Variants in MGAT5 observed in about 807,000 individuals in gnomAD.
MGAT5 encodes alpha-1,6-mannosylglycoprotein 6-beta-N-acetylglucosaminyltransferase A.
A neutral mutation model predicts 94.3 loss-of-function variants in MGAT5; 30 were observed. That is an observed-to-expected ratio of 0.32 (90% CI 0.24 to 0.43). The LOEUF (loss-of-function observed/expected upper bound fraction) is 0.43, where lower values mean the gene tolerates loss of function less well. MGAT5 is among the 20% of genes least tolerant of loss of function. The probability of loss-of-function intolerance (pLI) is 1.00; values close to 1 mark genes in which losing one functional copy is unlikely to be tolerated. For synonymous variants in MGAT5, 310 were observed against 322.9 expected (o/e 0.96, Z 0.43); for missense variants, 691 against 905.5 (o/e 0.76, Z 3.04).
chr2:134,401,074 A>C (rs1315744089), intron 10 of MGAT5, among the ~76,000 whole-genome samples: 1 of 148,530 alleles, frequency 6.7e-6, no homozygotes, highest in Non-Finnish European at 1.5e-5. Flanking sequence ...CCTTCTCCTT[A>C]TTCTTCTTCT....
At chr2:134,128,282 A>G (rs1374226550) in intron 1 of MGAT5, among the ~76,000 whole-genome samples, 1 of 152,070 alleles carries the variant, frequency 6.6e-6, no homozygotes, top group Admixed American at 6.5e-5. Flanking sequence ...AGAGAGAGAA[A>G]GAAGAAAGAG....
chr2:134,383,863 G>T (rs1308617411), intron 10 of MGAT5, among the ~76,000 whole-genome samples: 2 of 152,196 alleles, frequency 1.3e-5, no homozygotes, highest in South Asian at 2.1e-4. Context: ...GTATTTTTTA[G>T]TAGAGACGGG....
In MGAT5 at chr2:134,318,812, G is replaced by C. The variant is rs2105903868; in HGVS notation, c.573+73G>C. Reference sequence around the variant, plus strand: ...TGTTCTGTAGCTGAGTCTGAAATTTGAAAAGCTTGAAAACGTGTGGTATTT... The same window carrying C: ...TGTTCTGTAGCTGAGTCTGAAATTTCAAAAGCTTGAAAACGTGTGGTATTT... On this transcript the variant is annotated intron_variant, in intron 4 of 15. Coordinates refer to ENST00000281923, the MANE Select transcript of MGAT5 (RefSeq NM_002410.5). 5.8e-6 allele frequency: 6 copies of C among 1,038,102 alleles called. No individual in the cohort carries two copies. In the South Asian group the frequency reaches 8.1e-5, roughly 14 times the overall value. 64.3% of individuals were successfully genotyped at this position (1,038,102 alleles called of 1,614,324 possible).
intron 2 of MGAT5, among the ~76,000 whole-genome samples, chr2:134,307,467 A>G (rs910534524): frequency 1.3e-5 from 2 of 151,980 alleles, no homozygotes; most frequent in Non-Finnish European, 2.9e-5. Flanking sequence ...CCACTCAAAG[A>G]ACATTAGTTA....
chr2:134,345,766 T>G (rs1381868924), intron 8 of MGAT5, among the ~76,000 whole-genome samples: 2 of 152,230 alleles, frequency 1.3e-5, no homozygotes, highest in Non-Finnish European at 2.9e-5. Context: ...TGTCCGACAC[T>G]ACTTTTAACA....
intron 1 of MGAT5, among the ~76,000 whole-genome samples, chr2:134,189,592 G>GTT (rs113582076): frequency 0.029 from 1,629 of 56,112 alleles, 67 homozygotes; most frequent in African/African-American, 0.097. Flanking sequence ...CATGGCTCTA[G>GTT]TTTTTTTTTG....
intron 1 of MGAT5, among the ~76,000 whole-genome samples, chr2:134,121,955 G>T (rs1236697796): frequency 6.6e-6 from 1 of 152,054 alleles, no homozygotes; most frequent in Non-Finnish European, 1.5e-5. Context: ...TTCATGAAGG[G>T]CAAAGCATCT....
chr2:134,159,008 A>G (rs565183165), intron 1 of MGAT5, among the ~76,000 whole-genome samples: 1 of 152,298 alleles, frequency 6.6e-6, no homozygotes, highest in African/African-American at 2.4e-5. Flanking sequence ...TATTTCATAC[A>G]TGTTTCAATG....
At chr2:134,354,256 G>T (rs1276307702) in intron 9 of MGAT5, among the ~76,000 whole-genome samples, 1 of 152,132 alleles carries the variant, frequency 6.6e-6, no homozygotes, top group Non-Finnish European at 1.5e-5. Context: ...CTTAGATTGT[G>T]TTCTACTGAT....
At chr2:134,350,196 G>C (rs1679291166) in intron 9 of MGAT5, among the ~76,000 whole-genome samples, 1 of 152,124 alleles carries the variant, frequency 6.6e-6, no homozygotes, top group African/African-American at 2.4e-5. Flanking sequence ...AGTATCTTTA[G>C]AAACTATTTG....
intron 1 of MGAT5, among the ~76,000 whole-genome samples, chr2:134,260,627 C>CT (rs996694979): frequency 4.7e-5 from 7 of 150,074 alleles, no homozygotes; most frequent in East Asian, 3.9e-4. Flanking sequence ...TGTTTTTCCA[C>CT]TTTTTTTTTG....
chr2:134,314,831 G>A (rs1686905759), intron 2 of MGAT5, among the ~76,000 whole-genome samples: 1 of 152,140 alleles, frequency 6.6e-6, no homozygotes, highest in Non-Finnish European at 1.5e-5. Flanking sequence ...GAAACGAGGG[G>A]CCTTGCTTTG....
At chr2:134,277,279 G>GT (rs1380207980) in intron 2 of MGAT5, among the ~76,000 whole-genome samples, 3 of 152,012 alleles carry the variant, frequency 2.0e-5, no homozygotes, top group Non-Finnish European at 4.4e-5. Context: ...AGGTATATTA[G>GT]TCCATTTTTA....
intron 1 of MGAT5, among the ~76,000 whole-genome samples, chr2:134,131,978 G>A (rs758788691): frequency 3.9e-5 from 6 of 152,252 alleles, no homozygotes; most frequent in South Asian, 2.1e-4. Context: ...GGTCTAGGTC[G>A]GCCAGGGTTA....
At chr2:134,289,795 T>G (rs1030690615) in intron 2 of MGAT5, among the ~76,000 whole-genome samples, 1 of 152,168 alleles carries the variant, frequency 6.6e-6, no homozygotes, top group African/African-American at 2.4e-5. Context: ...GTAGACCACA[T>G]TTGTCGTCAC....
At chr2:134,178,291 G>C (rs1454768569) in intron 1 of MGAT5, among the ~76,000 whole-genome samples, 4 of 152,162 alleles carry the variant, frequency 2.6e-5, no homozygotes, top group Non-Finnish European at 4.4e-5. Context: ...TGCATATTTA[G>C]GTGATGAAAG....
rs149572179 is a variant in MGAT5 at position 134,247,482 on chromosome 2, G to T, written c.-142-6780G>T. 2.7e-4 allele frequency among the ~76,000 whole-genome samples: 41 copies of T among 151,668 alleles called. 1 individual carries two copies. In the East Asian group the frequency reaches 7.9e-3, roughly 29 times the overall value. The stretch of plus-strand genomic sequence containing the variant: ...GTATGGAGGTAGCCAGGGCAGTTTT[G>T]CTGAGTCTCTGCGATATAAATTGAT... On this transcript the variant is annotated intron_variant, in intron 1 of 16. Coordinates refer to the MGAT5 transcript ENST00000409645.
chr2:134,308,942 G>A (rs1558778032), intron 2 of MGAT5, among the ~76,000 whole-genome samples: 2 of 152,150 alleles, frequency 1.3e-5, no homozygotes, highest in Admixed American at 1.3e-4. Flanking sequence ...AATAGTCAGT[G>A]TTAGAATATT....
chr2:134,245,110 T>C (rs1389863704), intron 1 of MGAT5, among the ~76,000 whole-genome samples: 1 of 152,218 alleles, frequency 6.6e-6, no homozygotes, highest in Non-Finnish European at 1.5e-5. Context: ...TCTCCCGGGT[T>C]CACGCCATTC....
Sources: gnomAD v4.1 joint callset for allele counts (sites outside exome capture counted in the v4.1 genomes callset) on GRCh38, gnomAD v4.1.1 for gene constraint, MANE v1.5 for transcripts, NCBI Gene and HGNC (gene_info 2026-07-23, HGNC 2026-07-21) for gene names.